The following ARID5B variants were observed in gnomAD, a reference collection of about 807,000 sequenced individuals.
The protein encoded by ARID5B is AT-rich interaction domain 5B.
In ARID5B, 13 loss-of-function variants were observed where a neutral mutation model predicts 97.2. That is an observed-to-expected ratio of 0.13 (90% CI 0.09 to 0.21). ARID5B has a LOEUF of 0.21. ARID5B is among the 10% of genes least tolerant of loss of function. ARID5B has a pLI of 1.00. For synonymous variants in ARID5B, 556 were observed against 570.3 expected (o/e 0.97, Z 0.36); for missense variants, 1,210 against 1,465.3 (o/e 0.83, Z 2.84).
intron 2 of ARID5B, among the ~76,000 whole-genome samples, chr10:61,927,539 C>A (rs1183273566): frequency 1.3e-5 from 2 of 152,150 alleles, no homozygotes; most frequent in Non-Finnish European, 2.9e-5. Flanking sequence ...GGCCTTGGCT[C>A]TTTGGGAAGT....
intron 3 of ARID5B, among the ~76,000 whole-genome samples, chr10:61,950,511 A>T (rs1327620222): frequency 2.6e-5 from 4 of 152,322 alleles, no homozygotes; most frequent in East Asian, 3.9e-4. Context: ...CTGCAAAAAA[A>T]TTTTAAAAAT....
In ARID5B at chr10:62,091,431, G is replaced by T; in HGVS notation, c.1968G>T (p.Met656Ile). 1 of 1,612,296 alleles carries T rather than the reference G, an allele frequency of 6.2e-7. No homozygotes were observed. Among genetic ancestry groups the T allele is most frequent in the Non-Finnish European group, 8.5e-7 (1 of 1,178,894 alleles). ...PKVLVVQSFD[M>I]FKDKDLTGPM... Reference sequence around the variant, plus strand: ...TCCTTGTGGTCCAGTCGTTTGACATGTTCAAAGACAAAGACCTGACTGGGC... The same window carrying T: ...TCCTTGTGGTCCAGTCGTTTGACATTTTCAAAGACAAAGACCTGACTGGGC... The change falls in exon 10 of 10, where the codon ATG becomes ATT. Residue 656 changes from methionine to isoleucine, a missense_variant. Physicochemically the swap from Met to Ile is conservative, Grantham distance 10. Transcript: ENST00000279873.
intron 2 of ARID5B, among the ~76,000 whole-genome samples, chr10:61,919,449 C>G (rs1398678711): frequency 6.6e-6 from 1 of 152,052 alleles, no homozygotes; most frequent in Non-Finnish European, 1.5e-5. Context: ...TCAGCCAGAC[C>G]ATGTAAAGGG....
At chr10:62,083,313 G>GAAAAAAAAAAAAAAAGGA (rs35831175) in intron 8 of ARID5B, among the ~76,000 whole-genome samples, 1 of 128,830 alleles carries the variant, frequency 7.8e-6, no homozygotes, top group Non-Finnish European at 1.6e-5. Context: ...AAGAAAAAAT[G>GAAAAAAAAAAAAAAAGGA]AAAAAAAAAA....
chr10:61,930,707 G>A (rs371377952), intron 2 of ARID5B, among the ~76,000 whole-genome samples: 1,379 of 61,756 alleles, frequency 0.022, 28 homozygotes, highest in African/African-American at 0.073. Context: ...GCGACAGAGC[G>A]AGACTCCGCC....
chr10:61,905,951 G>C (rs1309197194), intron 2 of ARID5B, among the ~76,000 whole-genome samples: 1 of 152,036 alleles, frequency 6.6e-6, no homozygotes, highest in Admixed American at 6.6e-5. Flanking sequence ...TCCAGTGTTC[G>C]CAACTGGTGT....
intron 3 of ARID5B, among the ~76,000 whole-genome samples, chr10:61,948,800 G>A (rs550587456): frequency 7.2e-5 from 11 of 152,154 alleles, no homozygotes; most frequent in Non-Finnish European, 1.5e-4. Flanking sequence ...GAACTCTAAG[G>A]AGCTGGCTTG....
At chr10:61,924,198 A>C (rs542813518) in intron 2 of ARID5B, among the ~76,000 whole-genome samples, 5 of 152,350 alleles carry the variant, frequency 3.3e-5, no homozygotes, top group African/African-American at 1.2e-4. Context: ...TGGCTTGTAC[A>C]ACCTCCCCGA....
At chr10:61,945,733 A>G (rs1844488501) in intron 3 of ARID5B, among the ~76,000 whole-genome samples, 1 of 152,098 alleles carries the variant, frequency 6.6e-6, no homozygotes, top group African/African-American at 2.4e-5. Context: ...TATCTATGGA[A>G]ACATTTGTGA....
At chr10:62,027,781 C>T (rs1378910444) in intron 4 of ARID5B, among the ~76,000 whole-genome samples, 1 of 152,096 alleles carries the variant, frequency 6.6e-6, no homozygotes, top group Non-Finnish European at 1.5e-5. Context: ...CTCAGTCTGG[C>T]CAATTTCTCC....
Position 62,067,205 on chromosome 10 carries a change from A to C in ARID5B, c.1102-2495A>C, listed in dbSNP as rs373864443. On this transcript the variant is annotated intron_variant, in intron 7 of 9. Coordinates refer to ENST00000279873, the MANE Select transcript of ARID5B (RefSeq NM_032199.3). The stretch of plus-strand genomic sequence containing the variant: ...GTTCAAGCAATTCTCCTGCCTCAGC[A>C]TCCCGAGTAGCTGGGATTACAGGCA... Among the ~76,000 whole-genome samples the C allele has an allele frequency of 7.1e-4, 108 of 152,018 alleles. 1 individual carries two copies. In the South Asian group the frequency reaches 0.018, roughly 25 times the overall value.
At chr10:62,055,351 G>A (rs1421167924) in intron 5 of ARID5B, among the ~76,000 whole-genome samples, 1 of 152,032 alleles carries the variant, frequency 6.6e-6, no homozygotes, top group East Asian at 1.9e-4. Context: ...GTCTACCTCC[G>A]TTTCCTCATT....
chr10:61,988,451 T>A (rs1350543763), intron 3 of ARID5B, among the ~76,000 whole-genome samples: 4 of 152,134 alleles, frequency 2.6e-5, no homozygotes, highest in Non-Finnish European at 1.5e-5. Flanking sequence ...AGATTATTAT[T>A]TTACTTTGAA....
chr10:62,049,391 G>A (rs1488401837), intron 4 of ARID5B: 14 of 1,549,428 alleles, frequency 9.0e-6, no homozygotes, highest in Non-Finnish European at 1.1e-5. Context: ...ACACCAAGTC[G>A]AGACTTCCAG....
chr10:62,083,604 G>T (rs1840244305), intron 8 of ARID5B, among the ~76,000 whole-genome samples: 1 of 152,192 alleles, frequency 6.6e-6, no homozygotes, highest in Non-Finnish European at 1.5e-5. Flanking sequence ...GCTGGGGGAA[G>T]GGTGGTACCA....
chr10:62,015,932 G>A (rs1387169873), intron 4 of ARID5B, among the ~76,000 whole-genome samples: 1 of 152,182 alleles, frequency 6.6e-6, no homozygotes, highest in Non-Finnish European at 1.5e-5. Context: ...CTAACAGTGT[G>A]AATTTAAACA....
chr10:61,921,716 G>A (rs907568310), intron 2 of ARID5B, among the ~76,000 whole-genome samples: 2 of 152,136 alleles, frequency 1.3e-5, no homozygotes, highest in African/African-American at 2.4e-5. Context: ...GACCATCTTC[G>A]AGGCCACCTA....
chr10:61,962,827 C>T (rs556618256), intron 3 of ARID5B, among the ~76,000 whole-genome samples: 5 of 152,250 alleles, frequency 3.3e-5, no homozygotes, highest in Admixed American at 2.6e-4. Flanking sequence ...CACCAAAAAG[C>T]ATTTATGGTC....
At chr10:61,936,072 C>T (rs1291779161) in intron 2 of ARID5B, among the ~76,000 whole-genome samples, 1 of 152,200 alleles carries the variant, frequency 6.6e-6, no homozygotes, top group African/African-American at 2.4e-5. Flanking sequence ...CTCAGAGATT[C>T]CCGAGGGTTT....
Sources: allele counts gnomAD v4.1 joint callset (sites outside exome capture counted in the v4.1 genomes callset), GRCh38; gene constraint gnomAD v4.1.1; transcripts MANE v1.5; gene names NCBI Gene and HGNC (gene_info 2026-07-23, HGNC 2026-07-21).